The following ELN variants were observed in gnomAD, a reference collection of about 807,000 sequenced individuals.
ELN encodes tropoelastin.
ELN carries 65 observed loss-of-function variants against 105.8 expected under a neutral mutation model. The ratio of observed to expected loss-of-function variants is 0.61; its 90% CI spans 0.50 to 0.75. The LOEUF is 0.75. ELN is among the 30% of genes least tolerant of loss of function. The probability of loss-of-function intolerance (pLI) is 0.00; values close to 1 mark genes in which losing one functional copy is unlikely to be tolerated. For synonymous variants in ELN, 368 were observed against 389.2 expected, an observed-to-expected ratio of 0.95 and a Z score of 0.64; for missense variants, 882 against 969.4, an observed-to-expected ratio of 0.91 and a Z score of 1.20.
At chr7:74,045,163 G>A (rs1792170818) in intron 9 of ELN, 59 bp from the exon 10 acceptor site, 1 of 1,603,482 alleles carries the variant, frequency 6.2e-7, no homozygotes, top group African/African-American at 1.3e-5. Context: ...GAGGGGAGGG[G>A]TTCCCAGCAG....
intron 10 of ELN, 171 bp from the exon 11 acceptor site, chr7:74,046,017 A>G: frequency 1.2e-6 from 1 of 858,790 alleles, no homozygotes; most frequent in Admixed American, 2.3e-5. Context: ...CCTGGGCGAC[A>G]AGAGCGAAAC....
chr7:74,046,656 G>T lies in ELN; in HGVS notation c.572-40G>T, dbSNP rs376229807. The T allele has an allele frequency of 4.6e-4, 736 of 1,610,246 alleles. 1 individual carries two copies. Among genetic ancestry groups the T allele is most frequent in the Non-Finnish European group, 5.7e-4 (671 of 1,176,610 alleles). On this transcript the variant is annotated intron_variant, in intron 11 of 32. Coordinates refer to ENST00000252034, the MANE Select transcript of ELN (RefSeq NM_000501.4). Reference sequence around the variant, plus strand: ...GAGTGGGTGGCGGAGGGTTTGGAAGGGGGTGCTGGGACCTGAACTTGCTCT... The same window carrying T: ...GAGTGGGTGGCGGAGGGTTTGGAAGTGGGTGCTGGGACCTGAACTTGCTCT...
At chr7:74,066,813 A>T (rs1232447552) in intron 32 of ELN, 37 bp downstream of exon 32, 2 of 1,605,674 alleles carry the variant, frequency 1.2e-6, no homozygotes, top group African/African-American at 2.7e-5. Flanking sequence ...CCTGCCCTGG[A>T]GCTGCAGCCA....
chr7:74,059,302 C>T (rs948293955), intron 22 of ELN, among the ~76,000 whole-genome samples: 2 of 152,152 alleles, frequency 1.3e-5, no homozygotes, highest in African/African-American at 4.8e-5. Flanking sequence ...GAACCCAAAG[C>T]CTTTCTGTCT....
intron 19 of ELN, 64 bp downstream of exon 19, chr7:74,054,833 A>G (rs1258430898): frequency 1.3e-6 from 2 of 1,577,856 alleles, no homozygotes; most frequent in African/African-American, 2.7e-5. Context: ...GAACTAAAGG[A>G]CCCTCCTCTA....
At chr7:74,051,289 G>A (rs974452229) in intron 15 of ELN, among the ~76,000 whole-genome samples, 2 of 152,172 alleles carry the variant, frequency 1.3e-5, no homozygotes, top group Non-Finnish European at 1.5e-5. Flanking sequence ...CCCAGCACCC[G>A]AGGCTCCTTG....
Position 74,063,332 on chromosome 7 carries a change from T to C in ELN, c.1881T>C (p.Ala627=), listed in dbSNP as rs1054932205. ...GVVGAGPAAA[A]AAAKAAAKAA... ...CAGGAGCCGGACCCGCCGCCGCCGC[T>C]GCCGCAGCCAAAGCTGCTGCCAAAG... Residue 627 remains alanine (A), a synonymous_variant, in exon 28 of 33, where the codon GCT becomes GCC. Transcript: ENST00000252034. This position sits in a 1 kb window ranked among gnomAD's most constrained non-coding sequence, Gnocchi z 4.1. 1.9e-6 allele frequency: 3 copies of C among 1,551,068 alleles called. No individual in the cohort carries two copies. The highest frequency in any genetic ancestry group is 2.6e-6 in the Non-Finnish European group (3 of 1,148,304).
At chr7:74,030,911 C>T (rs1788518614) in intron 1 of ELN, among the ~76,000 whole-genome samples, 1 of 152,180 alleles carries the variant, frequency 6.6e-6, no homozygotes, top group Non-Finnish European at 1.5e-5. Flanking sequence ...TCTGCCGAGG[C>T]CCCGGCATGA....
At chr7:74,064,424 ATAT>A (rs1227262461) in intron 29 of ELN, among the ~76,000 whole-genome samples, 2 of 87,614 alleles carry the variant, frequency 2.3e-5, no homozygotes, top group African/African-American at 8.2e-5. Flanking sequence ...CAAAAAAAAA[ATAT>A]ATATATATAT....
rs563384652 is a variant in ELN at position 74,056,172 on chromosome 7, G to C, written c.1151-99G>C. The stretch of plus-strand genomic sequence containing the variant: ...TGTCTTTTATGGACAAGGCCTGGGG[G>C]AAATTTACATCCTCTTTCCCAATCC... On this transcript the variant is annotated intron_variant, in intron 19 of 32. Transcript: ENST00000252034. 4 of 1,514,714 alleles carry C rather than the reference G, an allele frequency of 2.6e-6. No homozygotes were observed. The Admixed American group carries it at 6.7e-5, about 25-fold the overall frequency. 93.8% of individuals were successfully genotyped at this position (1,514,714 alleles called of 1,614,324 possible). A position where few individuals can be genotyped will look rare whatever the true frequency, so the allele number is the denominator to read the frequency against.
At chr7:74,049,376 AT>A in intron 15 of ELN, among the ~76,000 whole-genome samples, 1 of 147,408 alleles carries the variant, frequency 6.8e-6, no homozygotes, top group East Asian at 2.0e-4. Context: ...GCATCCATCC[AT>A]TCCTCCATGC....
Position 74,043,938 on chromosome 7 carries a change from A to G in ELN, c.469+18A>G. 6.2e-7 allele frequency: 1 copy of G among 1,613,930 alleles called. No homozygotes were observed. The highest frequency in any genetic ancestry group is 8.5e-7 in the Non-Finnish European group (1 of 1,179,908). On this transcript the variant is annotated intron_variant, in intron 9 of 32. Coordinates refer to ENST00000252034, the MANE Select transcript of ELN (RefSeq NM_000501.4). ...GCTCCCAGGTGAGAGCAAGGAGGGA[A>G]ACAGGGACTCTATAGGAAGAAAGCA... is the stretch of plus-strand genomic sequence containing the variant.
In ELN at chr7:74,057,679, C is replaced by G; in HGVS notation, c.1397C>G (p.Ala466Gly). 6.2e-7 allele frequency: 1 copy of G among 1,613,660 alleles called. No homozygotes were observed. Among genetic ancestry groups the G allele is most frequent in the Non-Finnish European group, 8.5e-7 (1 of 1,180,016 alleles). The change falls in exon 22 of 33, where the codon GCC becomes GGC. Residue 466 changes from alanine to glycine, a missense_variant. Ala to Gly is a moderately conservative substitution (Grantham distance 60). Transcript: ENST00000252034. ...TPAAAAAKAA[A>G]KAAQFGLVPG... ...GCAGCTGCAGCTGCTAAAGCAGCCG[C>G]CAAAGCCGCCCAGTTTGGTAAGTCC...
rs782124771 is a variant in ELN, at chr7:74,068,644, T to G, written c.2132-13T>G. 1.2e-6 allele frequency: 2 copies of G among 1,614,044 alleles called. No homozygotes were observed. Among genetic ancestry groups the G allele is most frequent in the South Asian group, 2.2e-5 (2 of 91,088 alleles). ...GGCCGGACTCACAGTGATGTGCACC[T>G]CCTCCCGTCCAGGTGGGGCCTGCCT... On this transcript the variant is annotated splice_polypyrimidine_tract_variant and intron_variant, in intron 32 of 32. Transcript: ENST00000252034.
In ELN at chr7:74,060,154, G is replaced by A. The variant is rs137987089; in HGVS notation, c.1591G>A (p.Ala531Thr). 34 of 1,613,932 alleles carry A rather than the reference G, an allele frequency of 2.1e-5. No homozygotes were observed. Among genetic ancestry groups the A allele is most frequent in the African/African-American group, 2.7e-5 (2 of 74,916 alleles). ...PGGVAAAAKS[A>T]AKVAAKAQLR... Reference sequence around the variant, plus strand: ...CCCTCCCTCAGCTGCAGCAAAATCCGCTGCCAAGGTGGCTGCCAAAGCCCA... The same window carrying A: ...CCCTCCCTCAGCTGCAGCAAAATCCACTGCCAAGGTGGCTGCCAAAGCCCA... The change falls in exon 24 of 33, where the codon GCT (alanine) becomes ACT (threonine). Residue 531 changes from alanine to threonine, a missense_variant. Transcript: ENST00000252034.
rs1230920104 is a variant in ELN at position 74,060,138 on chromosome 7, A to T, written c.1577-2A>T. ...TAATCCCCCTCTCTCTCCCTCCCTC[A>T]GCTGCAGCAAAATCCGCTGCCAAGG... On this transcript the variant is annotated splice_acceptor_variant, in intron 23 of 32. Coordinates refer to ENST00000252034, the MANE Select transcript of ELN (RefSeq NM_000501.4). LOFTEE classifies it high-confidence loss of function. 2.5e-6 allele frequency: 4 copies of T among 1,613,916 alleles called. No individual in the cohort carries two copies. The highest frequency in any genetic ancestry group is 1.6e-4 in the Middle Eastern group (1 of 6,084).
chr7:74,067,957 A>C (rs1477325763), intron 32 of ELN, among the ~76,000 whole-genome samples: 9 of 151,082 alleles, frequency 6.0e-5, no homozygotes, highest in South Asian at 2.1e-4. Context: ...AAAAAAAAAA[A>C]AAACCTTCAG....
At chr7:74,046,658 G>T in intron 11 of ELN, 38 bp from the exon 12 acceptor site, 1 of 1,610,726 alleles carries the variant, frequency 6.2e-7, no homozygotes, top group Non-Finnish European at 8.5e-7. Context: ...TTTGGAAGGG[G>T]GTGCTGGGAC....
At chr7:74,054,285 T>A (rs1439018645) in intron 18 of ELN, among the ~76,000 whole-genome samples, 11 of 152,038 alleles carry the variant, frequency 7.2e-5, no homozygotes, top group Non-Finnish European at 1.3e-4. Context: ...CTGGCCAATA[T>A]GGTGAAATCC....
Sources: allele counts gnomAD v4.1 joint callset (sites outside exome capture counted in the v4.1 genomes callset), GRCh38; gene constraint gnomAD v4.1.1; non-coding constraint Gnocchi (gnomAD v3.1); transcripts MANE v1.5; gene names NCBI Gene and HGNC (gene_info 2026-07-23, HGNC 2026-07-21).